The following ASTN2 variants were observed in gnomAD, a reference collection of about 807,000 sequenced individuals.
The protein encoded by ASTN2 is astrotactin 2, also known as astrotactin-2.
Under a neutral mutation model 139.8 loss-of-function variants are expected in ASTN2, and 54 were observed. The ratio of observed to expected loss-of-function variants is 0.39; its 90% CI spans 0.31 to 0.48. The LOEUF is 0.48. Among genes scored for constraint, ASTN2 ranks in the 20% least tolerant of loss-of-function variants. The pLI, the probability that ASTN2 is intolerant of heterozygous loss-of-function variation, is 0.95. For missense variants in ASTN2, 1,565 were observed against 1,725.1 expected, an observed-to-expected ratio of 0.91 and a Z score of 1.64; for synonymous variants, 756 against 719.5, an observed-to-expected ratio of 1.05 and a Z score of -0.81.
At chr9:116,840,953 G>A (rs1291600947) in intron 11 of ASTN2, among the ~76,000 whole-genome samples, 3 of 151,964 alleles carry the variant, frequency 2.0e-5, no homozygotes, top group Non-Finnish European at 4.4e-5. Context: ...AGGCGGAGAA[G>A]CTCCTCACTT....
Position 116,703,375 on chromosome 9 carries a change from A to G in ASTN2, c.2806+22396T>C, listed in dbSNP as rs537794912. Reference sequence around the variant, plus strand: ...TTTGAGTTCATTGCAGATTCTGGATATTAGCCCTTTGTCAGATGAGTAGGT... The same window carrying G: ...TTTGAGTTCATTGCAGATTCTGGATGTTAGCCCTTTGTCAGATGAGTAGGT... On this transcript the variant is annotated intron_variant, in intron 16 of 22. Transcript: ENST00000313400. 5.3e-5 allele frequency among the ~76,000 whole-genome samples: 8 copies of G among 151,522 alleles called. No homozygotes were observed. In the South Asian group the frequency reaches 1.7e-3, roughly 32 times the overall value.
chr9:117,180,719 G>T, intron 3 of ASTN2: 1 of 1,578,526 alleles, frequency 6.3e-7, no homozygotes, highest in Admixed American at 1.7e-5. Flanking sequence ...TGCAGGGCCC[G>T]CCACTTGTCC....
chr9:117,129,538 G>C (rs1368115215), intron 4 of ASTN2, among the ~76,000 whole-genome samples: 1 of 152,090 alleles, frequency 6.6e-6, no homozygotes, highest in Admixed American at 6.5e-5. Context: ...TAATTTTTGA[G>C]GGCAGAATTT....
At chr9:116,442,321 G>T in intron 21 of ASTN2, 132 bp downstream of exon 21, 1 of 737,722 alleles carries the variant, frequency 1.4e-6, no homozygotes. Context: ...TTCCCTTAGT[G>T]CCTTCAATTT....
At chr9:117,060,842 C>A (rs1355048945) in intron 5 of ASTN2, among the ~76,000 whole-genome samples, 8 of 151,774 alleles carry the variant, frequency 5.3e-5, no homozygotes, top group South Asian at 2.1e-4. Flanking sequence ...TTGCAGTGAG[C>A]CAAGATTGTG....
rs114208567 is a variant in ASTN2, at chr9:116,768,860, T to C, written c.2397-35337A>G. Among the ~76,000 whole-genome samples, 1,283 of 152,330 alleles carry C rather than the reference T, an allele frequency of 8.4e-3. 21 individuals are homozygous for C. Among genetic ancestry groups the C allele is most frequent in the African/African-American group, 0.027 (1,135 of 41,576 alleles). On this transcript the variant is annotated intron_variant, in intron 13 of 22. Transcript: ENST00000313400. ...ATTATCCAGTTTATGATATTTTGTA[T>C]GGGAGCACAAATGAATTAAGAAGAC...
intron 4 of ASTN2, among the ~76,000 whole-genome samples, chr9:117,141,106 T>C (rs557245011): frequency 6.6e-6 from 1 of 152,274 alleles, no homozygotes; most frequent in Admixed American, 6.5e-5. Context: ...ATTTATACTA[T>C]CCATTCTCAT....
At chr9:116,999,526 C>CTCTT (rs993424347) in intron 7 of ASTN2, among the ~76,000 whole-genome samples, 2 of 141,094 alleles carry the variant, frequency 1.4e-5, no homozygotes, top group Non-Finnish European at 1.6e-5. Context: ...TCTTTCTTTC[C>CTCTT]TCTTTCTTTC....
chr9:117,362,360 G>A (rs1829715614), intron 1 of ASTN2, among the ~76,000 whole-genome samples: 1 of 144,454 alleles, frequency 6.9e-6, no homozygotes, highest in South Asian at 2.2e-4. Flanking sequence ...TGCAGTGCTC[G>A]TTGCCCCCGG....
At chr9:117,008,857 G>T (rs1837433761) in intron 6 of ASTN2, among the ~76,000 whole-genome samples, 1 of 152,116 alleles carries the variant, frequency 6.6e-6, no homozygotes. Flanking sequence ...TCCTCACCTA[G>T]CTTGTGTTGT....
intron 11 of ASTN2, among the ~76,000 whole-genome samples, chr9:116,858,037 AG>A (rs1832784457): frequency 6.6e-6 from 1 of 152,168 alleles, no homozygotes; most frequent in Non-Finnish European, 1.5e-5. Context: ...TCCTCTATCC[AG>A]TTGACAGCCC....
chr9:117,249,706 A>T (rs1201474658), intron 2 of ASTN2, among the ~76,000 whole-genome samples: 8 of 131,940 alleles, frequency 6.1e-5, no homozygotes, highest in Non-Finnish European at 1.0e-4. Context: ...TTTTTTTTTT[A>T]ACTTTAAAGA....
At chr9:117,048,111 C>T (rs1289409521) in intron 5 of ASTN2, among the ~76,000 whole-genome samples, 2 of 152,168 alleles carry the variant, frequency 1.3e-5, no homozygotes, top group African/African-American at 4.8e-5. Flanking sequence ...TAACCATCAT[C>T]CTTCACAATA....
In ASTN2 at chr9:116,769,784, C is replaced by T. The variant is rs578123256; in HGVS notation, c.2396+35848G>A. 7.2e-5 allele frequency among the ~76,000 whole-genome samples: 11 copies of T among 152,162 alleles called. No individual in the cohort carries two copies. In the South Asian group the frequency reaches 2.3e-3, roughly 32 times the overall value. On this transcript the variant is annotated intron_variant, in intron 13 of 22. Transcript: ENST00000313400. The stretch of plus-strand genomic sequence containing the variant: ...ATGAAGCTGGGCACAGTGGCTCATG[C>T]CTATAATCCCAACACGTTGCAAGGT...
At chr9:117,155,308 A>G (rs1374273853) in intron 3 of ASTN2, among the ~76,000 whole-genome samples, 1 of 152,058 alleles carries the variant, frequency 6.6e-6, no homozygotes, top group African/African-American at 2.4e-5. Context: ...TAGAGAGGAC[A>G]GGAAATCATG....
intron 1 of ASTN2, among the ~76,000 whole-genome samples, chr9:117,348,084 G>A (rs1829280102): frequency 6.6e-6 from 1 of 152,170 alleles, no homozygotes; most frequent in African/African-American, 2.4e-5. Flanking sequence ...AAATCAGAGA[G>A]AAGCATAATC....
chr9:116,461,829 T>G (rs932214249), intron 20 of ASTN2, among the ~76,000 whole-genome samples: 1 of 152,182 alleles, frequency 6.6e-6, no homozygotes, highest in African/African-American at 2.4e-5. Flanking sequence ...TTGTGTTAAC[T>G]CAGCATAGCT....
At chr9:117,183,686 C>T (rs1029350544) in intron 3 of ASTN2, among the ~76,000 whole-genome samples, 3 of 152,170 alleles carry the variant, frequency 2.0e-5, no homozygotes, top group Admixed American at 6.5e-5. Flanking sequence ...AGTTCCATCC[C>T]TTCACCTTCC....
chr9:116,660,003 C>T (rs1858458447), intron 16 of ASTN2, among the ~76,000 whole-genome samples: 1 of 152,160 alleles, frequency 6.6e-6, no homozygotes, highest in Non-Finnish European at 1.5e-5. Flanking sequence ...CACGCCTGGA[C>T]TCTAGTTGGG....
Sources: gnomAD v4.1 joint callset for allele counts (sites outside exome capture counted in the v4.1 genomes callset) on GRCh38, gnomAD v4.1.1 for gene constraint, MANE v1.5 for transcripts, NCBI Gene and HGNC (gene_info 2026-07-23, HGNC 2026-07-21) for gene names.